HLF: variants seen among roughly 807,000 people sequenced by gnomAD.
HLF encodes HLF transcription factor, PAR bZIP family member, also known as hepatic leukemia factor.
Under a neutral mutation model 22.6 loss-of-function variants are expected in HLF, and 3 were observed. The observed-to-expected ratio is 0.13, with a 90% confidence interval of 0.06 to 0.34. The LOEUF is 0.34. Among genes scored for constraint, HLF ranks in the 10% least tolerant of loss-of-function variants. The pLI, the probability that HLF is intolerant of heterozygous loss-of-function variation, is 1.00. For synonymous variants in HLF, 151 were observed against 151.8 expected, an observed-to-expected ratio of 0.99 and a Z score of 0.04; for missense variants, 299 against 389.2, an observed-to-expected ratio of 0.77 and a Z score of 1.95.
At chr17:55,305,868 G>T (rs1904522987) in intron 2 of HLF, among the ~76,000 whole-genome samples, 1 of 152,228 alleles carries the variant, frequency 6.6e-6, no homozygotes, top group South Asian at 2.1e-4. Flanking sequence ...GCTTTAGAGT[G>T]AGAAGGATGG....
chr17:55,270,912 A>G (rs113933777), intron 2 of HLF, among the ~76,000 whole-genome samples: 2,322 of 151,880 alleles, frequency 0.015, 49 homozygotes, highest in African/African-American at 0.046. Flanking sequence ...AAAGTGCTGG[A>G]ATTACAGGCG....
At chr17:55,284,078 AT>A (rs2080978796) in intron 2 of HLF, 3 of 152,152 alleles carry the variant, frequency 2.0e-5, no homozygotes, top group African/African-American at 7.2e-5. Flanking sequence ...AACTCTTCAG[AT>A]TTTTCTTTCT....
intron 2 of HLF, among the ~76,000 whole-genome samples, chr17:55,275,742 C>G (rs2080899150): frequency 6.6e-6 from 1 of 152,200 alleles, no homozygotes; most frequent in Admixed American, 6.5e-5. Flanking sequence ...TCTAAAGCTA[C>G]TGTGCAAGAA....
intron 2 of HLF, among the ~76,000 whole-genome samples, chr17:55,270,896 C>A (rs1258046458): frequency 6.6e-6 from 1 of 152,154 alleles, no homozygotes; most frequent in Non-Finnish European, 1.5e-5. Context: ...CCCGCCTCGG[C>A]CTCCCAAAGT....
At chr17:55,294,852 A>G (rs1326631353) in intron 2 of HLF, among the ~76,000 whole-genome samples, 1 of 152,192 alleles carries the variant, frequency 6.6e-6, no homozygotes, top group Non-Finnish European at 1.5e-5. Context: ...AAGCATTTGT[A>G]TGTAGGTTTT....
At chr17:55,295,924 T>C (rs1213095527) in intron 2 of HLF, among the ~76,000 whole-genome samples, 1 of 152,220 alleles carries the variant, frequency 6.6e-6, no homozygotes, top group Non-Finnish European at 1.5e-5. Context: ...TATATTAGAA[T>C]GTATTGACTA....
intron 2 of HLF, among the ~76,000 whole-genome samples, chr17:55,292,079 T>G (rs1382565884): frequency 6.6e-6 from 1 of 152,206 alleles, no homozygotes; most frequent in Non-Finnish European, 1.5e-5. Context: ...TGAGATGGAA[T>G]CTACTCCTAG....
chr17:55,313,060 G>A (rs12453442), intron 2 of HLF, among the ~76,000 whole-genome samples: 16,248 of 152,212 alleles, frequency 0.11, 1,173 homozygotes, highest in Non-Finnish European at 0.15. Flanking sequence ...GGGAAGCCAC[G>A]TACCTTGTCT....
chr17:55,323,249 G>T lies in HLF; in HGVS notation c.*2370G>T, dbSNP rs9892998. The T allele has an allele frequency of 0.017, 3,655 of 216,992 alleles. 105 individuals carry two copies. Among genetic ancestry groups the T allele is most frequent in the African/African-American group, 0.069 (3,087 of 44,582 alleles). 13.4% of individuals were successfully genotyped at this position (216,992 alleles called of 1,614,324 possible). ...CTTAAGCAGAGATAAATAAAAGATA[G>T]CAATATGAGACACAGGTGGACGTAG... On this transcript the variant is annotated 3_prime_UTR_variant, in exon 4 of 4. Coordinates refer to ENST00000226067, the MANE Select transcript of HLF (RefSeq NM_002126.5).
chr17:55,269,688 G>C (rs928687181), intron 2 of HLF, among the ~76,000 whole-genome samples: 4 of 152,178 alleles, frequency 2.6e-5, no homozygotes, highest in African/African-American at 9.7e-5. Flanking sequence ...CAACTGATTA[G>C]CAATGAGTCT....
At chr17:55,291,293 G>T (rs1188253606) in intron 2 of HLF, among the ~76,000 whole-genome samples, 1 of 152,156 alleles carries the variant, frequency 6.6e-6, no homozygotes, top group Non-Finnish European at 1.5e-5. Context: ...ATAAATCCAT[G>T]CCTGGCATCG....
intron 2 of HLF, among the ~76,000 whole-genome samples, chr17:55,313,774 C>G (rs1904947514): frequency 1.3e-5 from 2 of 152,130 alleles, no homozygotes; most frequent in South Asian, 4.1e-4. Context: ...AATGAGAACT[C>G]TCCATCCTCT....
chr17:55,288,403 T>C (rs1313533473), intron 2 of HLF, among the ~76,000 whole-genome samples: 1 of 152,034 alleles, frequency 6.6e-6, no homozygotes, highest in African/African-American at 2.4e-5. Context: ...CCTCCTTGGC[T>C]TCCCAAAGTG....
intron 3 of HLF, among the ~76,000 whole-genome samples, chr17:55,317,168 C>T (rs373043286): frequency 5.3e-5 from 8 of 152,014 alleles, no homozygotes; most frequent in East Asian, 1.9e-4. Flanking sequence ...GGGATTTCAC[C>T]GTGTTCGCCA....
Position 55,265,530 on chromosome 17 carries a change from C to T in HLF, c.46C>T (p.Pro16Ser), listed in dbSNP as rs2080779121. The change falls in exon 1 of 4, where the codon CCG becomes TCG. Residue 16 changes from proline (P) to serine (S), a missense_variant. Pro to Ser is a moderately conservative substitution (Grantham distance 74). This residue lies in a region of HLF where 72 missense variants were observed against 74.0 expected (regional missense o/e 0.97). Coordinates refer to ENST00000226067, the MANE Select transcript of HLF (RefSeq NM_002126.5). ...GCTCCCCCTGAATCCCACCTTTATCCCGCCTCCCTACGGCGTGCTCAGGTC... is the reference window on the plus strand; with the variant it reads ...GCTCCCCCTGAATCCCACCTTTATCTCGCCTCCCTACGGCGTGCTCAGGTC... ...RPLPLNPTFI[P>S]PPYGVLRSLL... 6.2e-7 allele frequency: 1 copy of T among 1,609,880 alleles called. No individual in the cohort carries two copies. Among genetic ancestry groups the T allele is most frequent in the African/African-American group, 1.3e-5 (1 of 74,462 alleles).
intron 2 of HLF, among the ~76,000 whole-genome samples, chr17:55,290,605 C>T (rs2081052562): frequency 6.6e-6 from 1 of 152,116 alleles, no homozygotes; most frequent in African/African-American, 2.4e-5. Context: ...CATTTCTCTC[C>T]CTCTCCTTGG....
intron 2 of HLF, among the ~76,000 whole-genome samples, chr17:55,312,991 G>T (rs1904900427): frequency 6.6e-6 from 1 of 152,158 alleles, no homozygotes; most frequent in Non-Finnish European, 1.5e-5. Context: ...GGTATCTTTG[G>T]GGAGAAACGG....
chr17:55,274,451 G>A (rs1301566721), intron 2 of HLF, among the ~76,000 whole-genome samples: 1 of 152,168 alleles, frequency 6.6e-6, no homozygotes, highest in Non-Finnish European at 1.5e-5. Flanking sequence ...TTGTCCTAAA[G>A]CTACTAAACC....
At position 55,324,485 on chromosome 17, in the gene HLF, A is replaced by G. The variant is rs1905381425; in HGVS notation, c.*3606A>G. On this transcript the variant is annotated 3_prime_UTR_variant, in exon 4 of 4. Coordinates refer to ENST00000226067, the MANE Select transcript of HLF (RefSeq NM_002126.5). Reference sequence around the variant, plus strand: ...CTATTCTTCCTTTAAGGAAAACTCAATCTTTATCACAGTCAATTAGAGCGA... The same window carrying G: ...CTATTCTTCCTTTAAGGAAAACTCAGTCTTTATCACAGTCAATTAGAGCGA... 3 of 231,676 alleles carry G rather than the reference A, an allele frequency of 1.3e-5. No individual in the cohort carries two copies. Among genetic ancestry groups the G allele is most frequent in the Non-Finnish European group, 2.6e-5 (3 of 117,118 alleles). The allele number at this position is 231,676 out of a possible 1,614,324, so 14.4% of individuals were successfully genotyped here.
Sources: gnomAD v4.1 joint callset for allele counts (sites outside exome capture counted in the v4.1 genomes callset) on GRCh38, gnomAD v4.1.1 for gene constraint, gnomAD v4.1.1 regional missense constraint, MANE v1.5 for transcripts, NCBI Gene and HGNC (gene_info 2026-07-23, HGNC 2026-07-21) for gene names.